Variants in SPOCK1 observed in about 807,000 individuals in gnomAD.
SPOCK1 encodes testican-1.
SPOCK1 carries 23 observed loss-of-function variants against 55.3 expected under a neutral mutation model. That is an observed-to-expected ratio of 0.42 (90% CI 0.30 to 0.59). The LOEUF is 0.59. Ranked by LOEUF, SPOCK1 falls within the 20% of genes least tolerant of loss-of-function variation. The pLI, the probability that SPOCK1 is intolerant of heterozygous loss-of-function variation, is 0.22. For missense variants in SPOCK1, 499 were observed against 552.5 expected, an observed-to-expected ratio of 0.90 and a Z score of 0.97; for synonymous variants, 226 against 221.0, an observed-to-expected ratio of 1.02 and a Z score of -0.20.
Position 136,988,562 on chromosome 5 carries a change from A to G in SPOCK1, c.788T>C (p.Leu263Pro). ...FNKLDMNYDL[L>P]LDPSEINAIY... ...GGCATTGATCTCTGAAGGGTCAAGC[A>G]GGAGGTCATAGTTCATGTCCAACTT... Residue 263 changes from leucine to proline, a missense_variant, in exon 8 of 11, where the codon CTG (leucine) becomes CCG (proline). Around this residue, in one of 3 missense-constraint regions of SPOCK1, gnomAD observed 386 missense variants for 400.6 expected, o/e 0.96. Transcript: ENST00000394945. 1 of 1,614,160 alleles carries G rather than the reference A, an allele frequency of 6.2e-7. No individual in the cohort carries two copies. Among genetic ancestry groups the G allele is most frequent in the South Asian group, 1.1e-5 (1 of 91,078 alleles).
At chr5:137,147,924 C>G (rs1435808365) in intron 3 of SPOCK1, among the ~76,000 whole-genome samples, 2 of 152,068 alleles carry the variant, frequency 1.3e-5, no homozygotes, top group African/African-American at 4.8e-5. Flanking sequence ...ATGAGAAAAC[C>G]AATTTGAAAC....
At chr5:137,322,419 C>T (rs1486954903) in intron 2 of SPOCK1, among the ~76,000 whole-genome samples, 1 of 150,878 alleles carries the variant, frequency 6.6e-6, no homozygotes, top group Non-Finnish European at 1.5e-5. Context: ...TATTGTAATA[C>T]TCTAACAATG....
chr5:137,137,900 G>A lies in SPOCK1; in HGVS notation c.347+2680C>T, dbSNP rs541360881. ...ATCATAATTGTCTCAGTAATTGTAC[G>A]AACAGCTGCTATTATTTGACAATAG... On this transcript the variant is annotated intron_variant, in intron 4 of 10. Transcript: ENST00000394945. Among the ~76,000 whole-genome samples the A allele has an allele frequency of 2.6e-5, 4 of 152,148 alleles. No homozygotes were observed. In the East Asian group the frequency reaches 5.8e-4, roughly 22 times the overall value.
At chr5:137,204,229 T>C (rs1277304398) in intron 3 of SPOCK1, among the ~76,000 whole-genome samples, 1 of 105,454 alleles carries the variant, frequency 9.5e-6, no homozygotes, top group Non-Finnish European at 2.3e-5. Flanking sequence ...GCTAATATTA[T>C]TTTTTTATTT....
chr5:137,351,271 C>T (rs554774850), intron 2 of SPOCK1, among the ~76,000 whole-genome samples: 2 of 152,338 alleles, frequency 1.3e-5, no homozygotes, highest in African/African-American at 4.8e-5. Flanking sequence ...CTGACAATGC[C>T]ACTCACTGGC....
At chr5:137,380,031 C>T (rs1751429286) in intron 2 of SPOCK1, among the ~76,000 whole-genome samples, 1 of 152,188 alleles carries the variant, frequency 6.6e-6, no homozygotes, top group Non-Finnish European at 1.5e-5. Context: ...CATCATTCTC[C>T]TTTTTTCCCT....
chr5:137,497,291 C>G (rs1310305551), intron 2 of SPOCK1, among the ~76,000 whole-genome samples: 1 of 152,152 alleles, frequency 6.6e-6, no homozygotes, highest in Non-Finnish European at 1.5e-5. Context: ...ATACATGCTG[C>G]TAAAAATATT....
intron 2 of SPOCK1, among the ~76,000 whole-genome samples, chr5:137,443,005 C>T (rs1753050018): frequency 6.6e-6 from 1 of 152,148 alleles, no homozygotes; most frequent in Admixed American, 6.5e-5. Context: ...GCCCAAGTTA[C>T]TGAGGTCCCC....
In SPOCK1 at chr5:137,307,297, T is replaced by C. The variant is rs1326419666; in HGVS notation, c.187-40242A>G. Reference sequence around the variant, plus strand: ...TAACTGCCGTCTCCAAAATCATTTCTAACTACCAAACATACATACCCATAA... The same window carrying C: ...TAACTGCCGTCTCCAAAATCATTTCCAACTACCAAACATACATACCCATAA... On this transcript the variant is annotated intron_variant, in intron 2 of 10. Transcript: ENST00000394945. Among the ~76,000 whole-genome samples the C allele has an allele frequency of 2.0e-5, 3 of 152,250 alleles. 1 individual carries two copies. Among genetic ancestry groups the C allele is most frequent in the Non-Finnish European group, 4.4e-5 (3 of 68,046 alleles).
chr5:137,218,160 G>A (rs1228068171), intron 3 of SPOCK1, among the ~76,000 whole-genome samples: 1 of 152,146 alleles, frequency 6.6e-6, no homozygotes, highest in Non-Finnish European at 1.5e-5. Flanking sequence ...TTCATCTCTG[G>A]GATAATGGAA....
At chr5:137,382,011 T>C (rs973886586) in intron 2 of SPOCK1, among the ~76,000 whole-genome samples, 3 of 152,240 alleles carry the variant, frequency 2.0e-5, no homozygotes, top group African/African-American at 7.2e-5. Flanking sequence ...TCTTCACACA[T>C]ACGAGCATAT....
chr5:137,131,370 G>C (rs933699257), intron 4 of SPOCK1, among the ~76,000 whole-genome samples: 1 of 152,216 alleles, frequency 6.6e-6, no homozygotes, highest in African/African-American at 2.4e-5. Context: ...AGCACTGTGG[G>C]AGGCTGAGAT....
At chr5:137,191,111 C>T (rs977977416) in intron 3 of SPOCK1, among the ~76,000 whole-genome samples, 21 of 152,192 alleles carry the variant, frequency 1.4e-4, no homozygotes, top group Admixed American at 1.4e-3. Flanking sequence ...CTAGAAGCTA[C>T]AGAGGGCCAG....
chr5:137,003,944 A>G (rs1751194975), intron 6 of SPOCK1, among the ~76,000 whole-genome samples: 1 of 152,108 alleles, frequency 6.6e-6, no homozygotes, highest in Non-Finnish European at 1.5e-5. Flanking sequence ...CACAGATTAC[A>G]TGGGGAGGAT....
In SPOCK1 at chr5:137,057,162, T is replaced by C. The variant is rs6868940; in HGVS notation, c.589+10553A>G. Among the ~76,000 whole-genome samples the C allele has an allele frequency of 4.1e-3, 624 of 152,248 alleles. 3 individuals are homozygous for C. The highest frequency in any genetic ancestry group is 0.014 in the African/African-American group (590 of 41,540). The stretch of plus-strand genomic sequence containing the variant: ...AGATTCATAACCAGATCTCCTACTG[T>C]GTCAGCAGGTCTTTTCTCTTGCCAT... On this transcript the variant is annotated intron_variant, in intron 6 of 10. Coordinates refer to ENST00000394945, the MANE Select transcript of SPOCK1 (RefSeq NM_004598.4).
chr5:137,246,006 C>A (rs1434125571), intron 3 of SPOCK1, among the ~76,000 whole-genome samples: 1 of 152,168 alleles, frequency 6.6e-6, no homozygotes, highest in Non-Finnish European at 1.5e-5. Flanking sequence ...AGGACAAGGA[C>A]CATCTTTAGG....
chr5:137,345,694 C>G (rs1201230048), intron 2 of SPOCK1, among the ~76,000 whole-genome samples: 5 of 152,256 alleles, frequency 3.3e-5, no homozygotes, highest in Non-Finnish European at 7.3e-5. Flanking sequence ...CAATCACTCT[C>G]TCTAGGGGCT....
At chr5:137,030,024 G>T (rs1337102935) in intron 6 of SPOCK1, among the ~76,000 whole-genome samples, 1 of 152,210 alleles carries the variant, frequency 6.6e-6, no homozygotes, top group African/African-American at 2.4e-5. Flanking sequence ...AGCACTTTCT[G>T]TGGGTCAAAA....
At chr5:137,274,415 C>G (rs1385804842) in intron 2 of SPOCK1, among the ~76,000 whole-genome samples, 1 of 152,232 alleles carries the variant, frequency 6.6e-6, no homozygotes, top group Non-Finnish European at 1.5e-5. Flanking sequence ...ATCTACTCAG[C>G]TTCTCCGAGT....
Sources: allele counts gnomAD v4.1 joint callset (sites outside exome capture counted in the v4.1 genomes callset), GRCh38; gene constraint gnomAD v4.1.1; regional missense constraint gnomAD v4.1.1; transcripts MANE v1.5; gene names NCBI Gene and HGNC (gene_info 2026-07-23, HGNC 2026-07-21).